ATOSA: variants seen among roughly 807,000 people sequenced by gnomAD.
ATOSA encodes atos homolog protein A.
the ATOSA span, among the ~76,000 whole-genome samples, chr15:52,683,010 T>C: frequency 6.6e-6 from 1 of 152,298 alleles, no homozygotes; most frequent in South Asian, 2.1e-4. Context: ...GAAGTAAAAA[T>C]GTATTCTTTC....
the ATOSA span, among the ~76,000 whole-genome samples, chr15:52,695,952 G>A: frequency 9.7e-4 from 147 of 152,248 alleles, no homozygotes; most frequent in African/African-American, 3.4e-3. Context: ...CAATGAATGT[G>A]GGTCGGGAGA....
chr15:52,672,655 A>G, the ATOSA span, among the ~76,000 whole-genome samples: 3 of 152,168 alleles, frequency 2.0e-5, no homozygotes, highest in South Asian at 4.1e-4. Context: ...ATTTTTTTCT[A>G]TATTTGTTCA....
At chr15:52,658,562 T>C in the ATOSA span, 1 of 331,308 alleles carries the variant, frequency 3.0e-6, no homozygotes, top group Non-Finnish European at 5.4e-6. Flanking sequence ...AAGCTCGCAC[T>C]TAATGGGAAT....
the ATOSA span, among the ~76,000 whole-genome samples, chr15:52,594,148 T>C: frequency 2.0e-5 from 3 of 152,226 alleles, no homozygotes; most frequent in Non-Finnish European, 4.4e-5. Flanking sequence ...GAGAAACACC[T>C]GAAAACCTAA....
At chr15:52,683,036 TA>T in the ATOSA span, among the ~76,000 whole-genome samples, 1 of 152,218 alleles carries the variant, frequency 6.6e-6, no homozygotes, top group Non-Finnish European at 1.5e-5. Flanking sequence ...CCAGTCTGCG[TA>T]AGTGTCTTAG....
the ATOSA span, among the ~76,000 whole-genome samples, chr15:52,619,740 G>T: frequency 6.6e-6 from 1 of 151,902 alleles, no homozygotes. Context: ...GCTGAGATGG[G>T]AGATCACTTG....
the ATOSA span, among the ~76,000 whole-genome samples, chr15:52,592,571 C>A: frequency 6.6e-6 from 1 of 152,118 alleles, no homozygotes; most frequent in Middle Eastern, 3.2e-3. Context: ...TCAGAGGTGT[C>A]CAATCTTTTG....
At chr15:52,613,597 G>T in the ATOSA span, 4 of 1,393,244 alleles carry the variant, frequency 2.9e-6, no homozygotes, top group Admixed American at 9.3e-5. Flanking sequence ...AATTATAACT[G>T]TAATAAAATA....
the ATOSA span, among the ~76,000 whole-genome samples, chr15:52,602,111 T>G: frequency 6.2e-3 from 942 of 152,356 alleles, 5 homozygotes; most frequent in Non-Finnish European, 0.011. Context: ...TTTTACTATT[T>G]CTCTTCCCTT....
chr15:52,641,643 C>T, the ATOSA span, among the ~76,000 whole-genome samples: 12 of 152,234 alleles, frequency 7.9e-5, 1 homozygote, highest in South Asian at 4.2e-4. Flanking sequence ...ACTGTATGAG[C>T]GGATTCATTC....
the ATOSA span, among the ~76,000 whole-genome samples, chr15:52,654,270 T>G: frequency 6.6e-6 from 1 of 152,162 alleles, no homozygotes; most frequent in South Asian, 2.1e-4. Context: ...TGTGCCACCT[T>G]AAAAACTTAA....
At chr15:52,663,113 G>A in the ATOSA span, among the ~76,000 whole-genome samples, 9 of 152,078 alleles carry the variant, frequency 5.9e-5, no homozygotes, top group Admixed American at 1.3e-4. Context: ...TAGTCTATCT[G>A]CCGACCGTTA....
chr15:52,664,675 G>A, the ATOSA span, among the ~76,000 whole-genome samples: 1,549 of 152,310 alleles, frequency 0.01, 25 homozygotes, highest in African/African-American at 0.036. Context: ...GCGCATGGTG[G>A]CTTACGCCTG....
At chr15:52,660,802 C>T in the ATOSA span, among the ~76,000 whole-genome samples, 1 of 152,120 alleles carries the variant, frequency 6.6e-6, no homozygotes, top group East Asian at 1.9e-4. Flanking sequence ...CAAGCATGGG[C>T]CACCAATCCC....
chr15:52,674,628 T>C, the ATOSA span, among the ~76,000 whole-genome samples: 1 of 152,172 alleles, frequency 6.6e-6, no homozygotes, highest in Non-Finnish European at 1.5e-5. Flanking sequence ...CTTCTGTAGC[T>C]TTTATATTTT....
chr15:52,671,263 C>T, the ATOSA span, among the ~76,000 whole-genome samples: 1 of 152,070 alleles, frequency 6.6e-6, no homozygotes, highest in African/African-American at 2.4e-5. Context: ...GTATCCTTAA[C>T]TGTATTTTCA....
the ATOSA span, among the ~76,000 whole-genome samples, chr15:52,637,013 T>A: frequency 2.0e-5 from 3 of 152,284 alleles, no homozygotes; most frequent in Middle Eastern, 3.4e-3. Flanking sequence ...GTACCTTGAA[T>A]TCCTAGCAAT....
At chr15:52,610,168 T>A in the ATOSA span, 10 of 1,613,920 alleles carry the variant, frequency 6.2e-6, no homozygotes. Flanking sequence ...GTTATGGTGC[T>A]GATGAGTTTT....
At chr15:52,583,161 G>C in the ATOSA span, among the ~76,000 whole-genome samples, 1 of 152,162 alleles carries the variant, frequency 6.6e-6, no homozygotes, top group Admixed American at 6.6e-5. Context: ...CATTCTTTGG[G>C]AAGTGTACAG....
Sources: gnomAD v4.1 joint callset for allele counts (sites outside exome capture counted in the v4.1 genomes callset) on GRCh38, gnomAD v4.1.1 for gene constraint, MANE v1.5 for transcripts, NCBI Gene and HGNC (gene_info 2026-07-23, HGNC 2026-07-21) for gene names.